Variants in SGK1 observed in about 807,000 individuals in gnomAD.
SGK1 encodes the protein serine/threonine-protein kinase Sgk1.
A neutral mutation model predicts 64.2 loss-of-function variants in SGK1; 26 were observed. The ratio of observed to expected loss-of-function variants is 0.40; its 90% CI spans 0.30 to 0.56. The LOEUF is 0.56. Ranked by LOEUF, SGK1 falls within the 20% of genes least tolerant of loss-of-function variation. SGK1 has a pLI of 0.38. For synonymous variants in SGK1, 265 were observed against 239.7 expected (o/e 1.11, Z -0.98); for missense variants, 519 against 645.6 (o/e 0.80, Z 2.12).
At chr6:134,264,801 G>A (rs1008340391) in intron 1 of SGK1, among the ~76,000 whole-genome samples, 1 of 151,940 alleles carries the variant, frequency 6.6e-6, no homozygotes, top group Non-Finnish European at 1.5e-5. Context: ...GCACCACCAT[G>A]ACTGGCTAAT....
intron 2 of SGK1, among the ~76,000 whole-genome samples, chr6:134,244,275 A>C (rs1374648301): frequency 6.6e-6 from 1 of 152,160 alleles, no homozygotes; most frequent in Non-Finnish European, 1.5e-5. Flanking sequence ...TTCTAGCTTC[A>C]TCCATGTCCC....
chr6:134,183,737 G>GA (rs1025501516), intron 3 of SGK1, among the ~76,000 whole-genome samples: 3 of 151,428 alleles, frequency 2.0e-5, no homozygotes, highest in East Asian at 1.9e-4. Flanking sequence ...TGATGTCTGG[G>GA]AAAAAAAATA....
At chr6:134,190,866 T>A (rs1208311968) in intron 3 of SGK1, among the ~76,000 whole-genome samples, 1 of 152,210 alleles carries the variant, frequency 6.6e-6, no homozygotes, top group African/African-American at 2.4e-5. Context: ...CTGGATTACT[T>A]CTAGGAATAA....
chr6:134,273,445 T>C (rs1776970864), intron 1 of SGK1, among the ~76,000 whole-genome samples: 1 of 147,486 alleles, frequency 6.8e-6, no homozygotes, highest in African/African-American at 2.5e-5. Context: ...TACAAAAAAT[T>C]AGCCGGGCGT....
intron 2 of SGK1, among the ~76,000 whole-genome samples, chr6:134,233,835 T>C (rs1173947208): frequency 6.6e-6 from 1 of 150,836 alleles, no homozygotes; most frequent in Admixed American, 6.6e-5. Flanking sequence ...AGAAATTTGC[T>C]GGAAAAACAC....
At chr6:134,204,221 A>AAAATAAATAAAT (rs146311627) in intron 3 of SGK1, among the ~76,000 whole-genome samples, 1 of 139,072 alleles carries the variant, frequency 7.2e-6, no homozygotes, top group Non-Finnish European at 1.5e-5. Flanking sequence ...AACTAGGCAA[A>AAAATAAATAAAT]AAATAAATAA....
At chr6:134,297,458 CT>C (rs1777376986) in intron 1 of SGK1, 1 of 652,502 alleles carries the variant, frequency 1.5e-6, no homozygotes. Context: ...CTTTGAGACC[CT>C]CAGTCTCAGC....
chr6:134,273,592 C>CAAAAA (rs58634499), intron 1 of SGK1, among the ~76,000 whole-genome samples: 199 of 16,220 alleles, frequency 0.012, 51 homozygotes, highest in African/African-American at 0.024. Flanking sequence ...GACTCCGTCT[C>CAAAAA]AAAAAAAAAA....
chr6:134,292,060 CT>C (rs1777274254), intron 1 of SGK1, among the ~76,000 whole-genome samples: 1 of 117,656 alleles, frequency 8.5e-6, no homozygotes, highest in East Asian at 5.6e-4. Flanking sequence ...AAGACTCTCT[CT>C]CAAAAAAAAA....
chr6:134,171,358 T>TG (rs1775019419), intron 11 of SGK1, 180 bp from the exon 12 acceptor site: 9 of 623,200 alleles, frequency 1.4e-5, no homozygotes, highest in East Asian at 2.8e-5. Context: ...GTGTGTGTGT[T>TG]TGTGTGTGTG....
chr6:134,201,950 C>G (rs112777735), intron 3 of SGK1, among the ~76,000 whole-genome samples: 7,657 of 152,156 alleles, frequency 0.05, 649 homozygotes, highest in African/African-American at 0.17. Flanking sequence ...TAGTTTCAAA[C>G]TGTGAGAAAA....
At chr6:134,229,420 C>T (rs1303185294) in intron 2 of SGK1, among the ~76,000 whole-genome samples, 1 of 152,208 alleles carries the variant, frequency 6.6e-6, no homozygotes, top group South Asian at 2.1e-4. Flanking sequence ...CAGTTTATTA[C>T]TTAAACAGCT....
intron 3 of SGK1, among the ~76,000 whole-genome samples, chr6:134,185,560 G>A (rs972100298): frequency 8.6e-6 from 1 of 116,348 alleles, no homozygotes; most frequent in African/African-American, 2.9e-5. Context: ...CTATGAGTGT[G>A]TGTGTGTGTG....
At chr6:134,194,980 T>A (rs537148729) in intron 3 of SGK1, among the ~76,000 whole-genome samples, 2 of 152,224 alleles carry the variant, frequency 1.3e-5, no homozygotes, top group Non-Finnish European at 2.9e-5. Flanking sequence ...ACTAGACTTT[T>A]TGATCTGCTG....
rs1333391524 is a variant in SGK1 at position 134,172,643 on chromosome 6, G to A, written c.947+19C>T. The A allele has an allele frequency of 6.0e-6, 9 of 1,491,486 alleles. No individual in the cohort carries two copies. Among genetic ancestry groups the A allele is most frequent in the Non-Finnish European group, 8.4e-6 (9 of 1,068,194 alleles). 92.4% of individuals were successfully genotyped at this position (1,491,486 alleles called of 1,614,324 possible). A position where few individuals can be genotyped will look rare whatever the true frequency, so the allele number is the denominator to read the frequency against. ...TCCTTTATACCAAAACTGGTAGCCT[G>A]AAGAGCTCTCAGGCTTACCTATAAA... On this transcript the variant is annotated intron_variant, in intron 9 of 13. Coordinates refer to ENST00000367858, the MANE Select transcript of SGK1 (RefSeq NM_001143676.3).
chr6:134,234,620 G>A (rs796091181), intron 2 of SGK1, among the ~76,000 whole-genome samples: 5 of 152,250 alleles, frequency 3.3e-5, no homozygotes, highest in African/African-American at 1.2e-4. Flanking sequence ...GCTCATGCCT[G>A]TAATCCCAGT....
At chr6:134,280,734 T>G (rs1777081363) in intron 1 of SGK1, among the ~76,000 whole-genome samples, 1 of 152,150 alleles carries the variant, frequency 6.6e-6, no homozygotes, top group Non-Finnish European at 1.5e-5. Flanking sequence ...TTGTATTAAT[T>G]GAAAGTGTGT....
In SGK1 at chr6:134,258,106, A is replaced by ATT. The variant is rs59102879; in HGVS notation, c.285+3825_285+3826dup. ...ATCCCTATAAAAACACAAAATATAG[A>ATT]TTTTTTTTTTTTTTGAGACAGGGTC... On this transcript the variant is annotated intron_variant, in intron 2 of 13. Transcript: ENST00000367858. 4.4e-3 allele frequency among the ~76,000 whole-genome samples: 638 copies of ATT among 144,434 alleles called. 6 individuals carry two copies. Among genetic ancestry groups the ATT allele is most frequent in the African/African-American group, 0.015 (600 of 39,572 alleles). 94.8% of individuals were successfully genotyped at this position (144,434 alleles called of 152,430 possible).
intron 13 of SGK1, 72 bp from the exon 14 acceptor site, chr6:134,170,507 G>T: frequency 1.4e-6 from 2 of 1,403,730 alleles, no homozygotes; most frequent in African/African-American, 1.4e-5. Flanking sequence ...TCTTGACCAG[G>T]CTTTAAATAC....
Sources: allele counts gnomAD v4.1 joint callset (sites outside exome capture counted in the v4.1 genomes callset), GRCh38; gene constraint gnomAD v4.1.1; transcripts MANE v1.5; gene names NCBI Gene and HGNC (gene_info 2026-07-23, HGNC 2026-07-21).